Variants in CIAPIN1 observed in about 807,000 individuals in gnomAD.
CIAPIN1 encodes anamorsin.
Under a neutral mutation model 34.3 loss-of-function variants are expected in CIAPIN1, and 18 were observed. The ratio of observed to expected loss-of-function variants is 0.52; its 90% CI spans 0.36 to 0.78. The LOEUF (loss-of-function observed/expected upper bound fraction) is 0.78. Among genes scored for constraint, CIAPIN1 ranks in the 30% least tolerant of loss-of-function variants. CIAPIN1 has a pLI of 0.00. For synonymous variants in CIAPIN1, 131 were observed against 140.4 expected (o/e 0.93, Z 0.47); for missense variants, 310 against 372.5 (o/e 0.83, Z 1.38).
Position 57,440,889 on chromosome 16 carries a change from C to G in CIAPIN1, c.40G>C (p.Val14Leu). 1 of 1,614,046 alleles carries G rather than the reference C, an allele frequency of 6.2e-7. No individual in the cohort carries two copies. Among genetic ancestry groups the G allele is most frequent in the Non-Finnish European group, 8.5e-7 (1 of 1,179,968 alleles). Residue 14 changes from valine (V) to leucine (L), a missense_variant, in exon 2 of 9, where the codon GTG becomes CTG. Physicochemically the swap from Val to Leu is conservative, Grantham distance 32. Coordinates refer to ENST00000394391, the MANE Select transcript of CIAPIN1 (RefSeq NM_020313.4). The part of the protein sequence containing the change: ...FGISAGQFVA[V>L]VWDKSSPVEA... ...ACTGGGGATGACTTATCCCAGACCA[C>G]TGCCACAAACTGGCCAGCAGAGATC...
In CIAPIN1 at chr16:57,431,138, C is replaced by A. The variant is rs1215670582; in HGVS notation, c.746+13G>T. 6.4e-7 allele frequency: 1 copy of A among 1,561,450 alleles called. No individual in the cohort carries two copies. Among genetic ancestry groups the A allele is most frequent in the Non-Finnish European group, 8.8e-7 (1 of 1,133,692 alleles). ...GAGGCAGCATGGCAGGCTCCAGTCA[C>A]CCCAGCACTCACCAGTTCTTACAGG... On this transcript the variant is annotated intron_variant, in intron 7 of 8. Transcript: ENST00000394391.
intron 1 of CIAPIN1, among the ~76,000 whole-genome samples, chr16:57,446,915 C>A (rs1598032994): frequency 6.6e-6 from 1 of 152,332 alleles, no homozygotes; most frequent in African/African-American, 2.4e-5. Context: ...CCAAGGCTTT[C>A]GTGCTTTGCT....
At chr16:57,432,808 T>C (rs1172342872) in intron 5 of CIAPIN1, among the ~76,000 whole-genome samples, 2 of 152,204 alleles carry the variant, frequency 1.3e-5, no homozygotes, top group African/African-American at 4.8e-5. Context: ...AGCACTTATA[T>C]ACATTATCTA....
rs745400937 is a variant in CIAPIN1 at position 57,440,847 on chromosome 16, G to T, written c.82C>A (p.Leu28Met). Residue 28 changes from leucine (L) to methionine (M), a missense_variant, in exon 2 of 9, where the codon CTG becomes ATG. By Grantham distance (15) the Leu-to-Met change is conservative (BLOSUM62 2). Transcript: ENST00000394391. ...GTTAACGCTTGAAGCTTATCCACCA[G>T]ACCTTTCAGAGCCTCCACTGGGGAT... The part of the protein sequence containing the change: ...KSSPVEALKG[L>M]VDKLQALTGN... 6.2e-7 allele frequency: 1 copy of T among 1,613,970 alleles called. No individual in the cohort carries two copies. The highest frequency in any genetic ancestry group is 8.5e-7 in the Non-Finnish European group (1 of 1,179,928).
At chr16:57,438,507 T>C (rs185041702) in intron 3 of CIAPIN1, among the ~76,000 whole-genome samples, 2 of 152,354 alleles carry the variant, frequency 1.3e-5, no homozygotes, top group East Asian at 1.9e-4. Flanking sequence ...TAGCATGATA[T>C]GAAGACCGGG....
At chr16:57,439,639 T>C (rs1903282638) in intron 2 of CIAPIN1, among the ~76,000 whole-genome samples, 1 of 152,216 alleles carries the variant, frequency 6.6e-6, no homozygotes, top group African/African-American at 2.4e-5. Context: ...TTCATGAACA[T>C]TTATTAGTTC....
intron 8 of CIAPIN1, among the ~76,000 whole-genome samples, chr16:57,429,497 T>C (rs1276102971): frequency 1.3e-5 from 2 of 152,148 alleles, no homozygotes; most frequent in Non-Finnish European, 2.9e-5. Flanking sequence ...ATAGTTCTTT[T>C]TTTTTTGTTT....
intron 2 of CIAPIN1, among the ~76,000 whole-genome samples, 167 bp downstream of exon 2, chr16:57,440,605 T>TG (rs1903308132): frequency 6.6e-6 from 1 of 152,106 alleles, no homozygotes; most frequent in Non-Finnish European, 1.5e-5. Context: ...GTTGAATTAT[T>TG]GGGGGTGGTT....
Position 57,439,306 on chromosome 16 carries a change from A to G in CIAPIN1, c.186T>C (p.Ile62=), listed in dbSNP as rs1453901256. Residue 62 remains isoleucine (I), a synonymous_variant, in exon 3 of 9, where the codon ATT becomes ATC. Transcript: ENST00000394391. The part of the protein sequence containing the change: ...QSAHKESSFD[I]ILSGLVPGST... The stretch of plus-strand genomic sequence containing the variant: ...TTCCTGGGACTAAACCTGACAAAAT[A>G]ATGTCAAAGCTGGATTCTTTGTGGG... 5.0e-6 allele frequency: 8 copies of G among 1,614,044 alleles called. No homozygotes were observed. Among genetic ancestry groups the G allele is most frequent in the Non-Finnish European group, 6.8e-6 (8 of 1,180,042 alleles).
intron 1 of CIAPIN1, among the ~76,000 whole-genome samples, chr16:57,446,983 T>C (rs1164223169): frequency 2.0e-5 from 3 of 152,144 alleles, no homozygotes; most frequent in African/African-American, 2.4e-5. Context: ...GTCACAACGA[T>C]TGGCTACTGG....
chr16:57,441,079 C>G (rs1903321046), intron 1 of CIAPIN1, 96 bp from the exon 2 acceptor site: 1 of 712,512 alleles, frequency 1.4e-6, no homozygotes, highest in Non-Finnish European at 2.2e-6. Context: ...GGAATGCTGA[C>G]AACATTAGAA....
At position 57,436,693 on chromosome 16, in the gene CIAPIN1, G is replaced by C. The variant is rs368842581; in HGVS notation, c.350C>G (p.Ser117Ter). The C allele has an allele frequency of 2.5e-6, 4 of 1,613,830 alleles. No homozygotes were observed. The highest frequency in any genetic ancestry group is 3.4e-6 in the Non-Finnish European group (4 of 1,179,916). ...SKVKTASKLCSALTLSGLVEV... is the reference protein window; with the variant it reads ...SKVKTASKLC Reference sequence around the variant, plus strand: ...CACAAGACCAGAAAGAGTCAGGGCTGAACACAGCTTAGATGCTGTCTTCAC... The same window carrying C: ...CACAAGACCAGAAAGAGTCAGGGCTCAACACAGCTTAGATGCTGTCTTCAC... Residue 117 changes from serine (S) to a stop codon, truncating the protein, a stop_gained, in exon 4 of 9, where the codon TCA becomes TGA. Coordinates refer to ENST00000394391, the MANE Select transcript of CIAPIN1 (RefSeq NM_020313.4). LOFTEE classifies it high-confidence loss of function.
At chr16:57,430,701 T>C in intron 7 of CIAPIN1, 1 of 271,392 alleles carries the variant, frequency 3.7e-6, no homozygotes, top group Non-Finnish European at 7.1e-6. Context: ...TGGCAGCTTT[T>C]ACATTTAAAA....
intron 3 of CIAPIN1, among the ~76,000 whole-genome samples, chr16:57,438,623 G>A (rs1178323478): frequency 1.3e-5 from 2 of 152,172 alleles, no homozygotes; most frequent in Non-Finnish European, 2.9e-5. Flanking sequence ...TATTATATGT[G>A]TAGATTTGTG....
intron 3 of CIAPIN1, among the ~76,000 whole-genome samples, chr16:57,438,416 T>C (rs1223366760): frequency 1.3e-5 from 2 of 152,166 alleles, no homozygotes; most frequent in African/African-American, 4.8e-5. Flanking sequence ...TCACAGGAAG[T>C]TGGAAAAAAC....
intron 3 of CIAPIN1, among the ~76,000 whole-genome samples, chr16:57,438,909 C>T (rs1293471932): frequency 1.3e-5 from 2 of 152,186 alleles, no homozygotes; most frequent in Non-Finnish European, 2.9e-5. Flanking sequence ...GCATCACTTT[C>T]CATATTATGA....
chr16:57,431,340 T>C, intron 6 of CIAPIN1, 74 bp from the exon 7 acceptor site: 2 of 1,006,194 alleles, frequency 2.0e-6, no homozygotes, highest in Non-Finnish European at 3.0e-6. Context: ...ACTGCAGGCT[T>C]CGAGAGGAAA....
intron 3 of CIAPIN1, among the ~76,000 whole-genome samples, chr16:57,437,780 C>A (rs115992280): frequency 0.012 from 1,794 of 152,240 alleles, 34 homozygotes; most frequent in African/African-American, 0.041. Flanking sequence ...CCTGCCCCAG[C>A]CTCTCAAACT....
At chr16:57,441,047 C>G (rs1400281231) in intron 1 of CIAPIN1, 64 bp from the exon 2 acceptor site, 4 of 1,129,698 alleles carry the variant, frequency 3.5e-6, no homozygotes, top group Non-Finnish European at 5.0e-6. Flanking sequence ...GAATCCCAAC[C>G]TAACTTGTAA....
Sources: allele counts gnomAD v4.1 joint callset (sites outside exome capture counted in the v4.1 genomes callset), GRCh38; gene constraint gnomAD v4.1.1; transcripts MANE v1.5; gene names NCBI Gene and HGNC (gene_info 2026-07-23, HGNC 2026-07-21).